CACNA1E: variants seen among roughly 807,000 people sequenced by gnomAD.
The protein encoded by CACNA1E is calcium voltage-gated channel subunit alpha1 E.
In CACNA1E, 40 loss-of-function variants were observed where a neutral mutation model predicts 259.2. The ratio of observed to expected loss-of-function variants is 0.15; its 90% CI spans 0.12 to 0.20. The LOEUF (loss-of-function observed/expected upper bound fraction) is 0.20, where lower values mean the gene tolerates loss of function less well. Among genes scored for constraint, CACNA1E ranks in the 10% least tolerant of loss-of-function variants. The pLI is 1.00. For synonymous variants in CACNA1E, 1,104 were observed against 1,138.5 expected (o/e 0.97, Z 0.61); for missense variants, 1,874 against 3,040.1 (o/e 0.62, Z 9.02).
chr1:181,585,020 C>A (rs56231833), intron 6 of CACNA1E, among the ~76,000 whole-genome samples: 57,110 of 151,864 alleles, frequency 0.38, 13,295 homozygotes, highest in East Asian at 0.66. Flanking sequence ...GTCCCCCCCC[C>A]TGCCTCAAAC....
At chr1:181,419,224 C>T (rs538030839) in intron 2 of CACNA1E, among the ~76,000 whole-genome samples, 25 of 152,180 alleles carry the variant, frequency 1.6e-4, no homozygotes, top group Admixed American at 5.9e-4. Context: ...TCCCCCTGCC[C>T]AGCCAGCCTC....
intron 2 of CACNA1E, among the ~76,000 whole-genome samples, chr1:181,464,951 T>C (rs1662062380): frequency 6.6e-6 from 1 of 152,060 alleles, no homozygotes; most frequent in Non-Finnish European, 1.5e-5. Flanking sequence ...ATAAATAAAA[T>C]TGTCATTATA....
chr1:181,734,553 C>T (rs561599015), intron 21 of CACNA1E, among the ~76,000 whole-genome samples: 4 of 146,808 alleles, frequency 2.7e-5, no homozygotes, highest in African/African-American at 7.6e-5. Context: ...CATCCCTGCC[C>T]TGACCCCACA....
chr1:181,616,375 C>T (rs1655211442), intron 6 of CACNA1E, among the ~76,000 whole-genome samples: 1 of 151,368 alleles, frequency 6.6e-6, no homozygotes, highest in African/African-American at 2.4e-5. Flanking sequence ...TGGTTTCTAC[C>T]AAGTTGTAAT....
chr1:181,625,155 A>G (rs1656077976), intron 6 of CACNA1E, among the ~76,000 whole-genome samples: 1 of 146,238 alleles, frequency 6.8e-6, no homozygotes, highest in Non-Finnish European at 1.5e-5. Context: ...TTGTTGTTTC[A>G]TTTATAGAGC....
At chr1:181,475,402 G>A (rs1483857204) in intron 2 of CACNA1E, among the ~76,000 whole-genome samples, 2 of 152,218 alleles carry the variant, frequency 1.3e-5, no homozygotes, top group East Asian at 3.8e-4. Context: ...GTTTATAGGA[G>A]GTACAGGTCA....
chr1:181,559,645 G>A (rs1187217973), intron 3 of CACNA1E, among the ~76,000 whole-genome samples: 1 of 152,240 alleles, frequency 6.6e-6, no homozygotes, highest in African/African-American at 2.4e-5. Flanking sequence ...AGTACATCTT[G>A]AATTTGGAGA....
chr1:181,730,784 A>C lies in CACNA1E; in HGVS notation c.2241-391A>C, dbSNP rs117516094. Reference sequence around the variant, plus strand: ...ATGAATGTGCTATGCTAGCCCTAGAAATGACTCGGGGGAGGGGAAGAAAAC... The same window carrying C: ...ATGAATGTGCTATGCTAGCCCTAGACATGACTCGGGGGAGGGGAAGAAAAC... On this transcript the variant is annotated intron_variant, in intron 18 of 47. Coordinates refer to ENST00000367573, the MANE Select transcript of CACNA1E (RefSeq NM_001205293.3). Among the ~76,000 whole-genome samples, 6 of 152,318 alleles carry C rather than the reference A, an allele frequency of 3.9e-5. No individual in the cohort carries two copies. In the East Asian group the frequency reaches 9.7e-4, roughly 25 times the overall value.
At chr1:181,383,013 T>C (rs1035021855) in intron 1 of CACNA1E, among the ~76,000 whole-genome samples, 1 of 152,152 alleles carries the variant, frequency 6.6e-6, no homozygotes, top group African/African-American at 2.4e-5. Flanking sequence ...AGCTGCCTCC[T>C]CTTCTGGGGA....
intron 7 of CACNA1E, among the ~76,000 whole-genome samples, chr1:181,661,365 C>T (rs780301465): frequency 2.0e-5 from 3 of 152,084 alleles, no homozygotes; most frequent in South Asian, 2.1e-4. Flanking sequence ...GCGGTGGGGA[C>T]GGAAAGGACA....
intron 25 of CACNA1E, among the ~76,000 whole-genome samples, 199 bp downstream of exon 25, chr1:181,739,452 G>A (rs1656356301): frequency 6.6e-6 from 1 of 152,176 alleles, no homozygotes; most frequent in Non-Finnish European, 1.5e-5. Flanking sequence ...GTGGCAGAAC[G>A]GGGGAAGCAG....
At chr1:181,586,670 A>G (rs1572291837) in intron 6 of CACNA1E, among the ~76,000 whole-genome samples, 2 of 152,340 alleles carry the variant, frequency 1.3e-5, no homozygotes, top group East Asian at 3.9e-4. Context: ...TTACTAGAGT[A>G]TCTTGCAAAT....
intron 6 of CACNA1E, among the ~76,000 whole-genome samples, chr1:181,647,472 T>A (rs1658380361): frequency 6.6e-6 from 1 of 152,202 alleles, no homozygotes; most frequent in Admixed American, 6.5e-5. Context: ...AACCCTCCTC[T>A]CTTGCACCTC....
intron 1 of CACNA1E, among the ~76,000 whole-genome samples, chr1:181,368,267 A>G (rs942363702): frequency 1.4e-4 from 20 of 143,008 alleles, no homozygotes; most frequent in Non-Finnish European, 2.6e-4. Flanking sequence ...TCATTTAGAC[A>G]GAGAAAGAGA....
chr1:181,338,177 C>T (rs867201319), intron 1 of CACNA1E, among the ~76,000 whole-genome samples: 4 of 152,136 alleles, frequency 2.6e-5, no homozygotes, highest in Non-Finnish European at 5.9e-5. Flanking sequence ...CCTCTGCCTC[C>T]CAGGTTCAAG....
chr1:181,567,764 C>T (rs528858114), intron 3 of CACNA1E, among the ~76,000 whole-genome samples: 12 of 152,234 alleles, frequency 7.9e-5, no homozygotes, highest in Non-Finnish European at 1.2e-4. Context: ...GTTGGTCTGC[C>T]TTGTCTTCTG....
chr1:181,382,004 G>C (rs1655490210), intron 1 of CACNA1E, among the ~76,000 whole-genome samples: 1 of 152,224 alleles, frequency 6.6e-6, no homozygotes. Flanking sequence ...GAAGGCAGGA[G>C]AGTAGATGAG....
chr1:181,332,848 G>A (rs1358300516), intron 1 of CACNA1E, among the ~76,000 whole-genome samples: 2 of 152,104 alleles, frequency 1.3e-5, no homozygotes, highest in Non-Finnish European at 2.9e-5. Flanking sequence ...TTACATCTGG[G>A]ACCCCACAGT....
At chr1:181,452,222 T>C (rs536044549) in intron 2 of CACNA1E, among the ~76,000 whole-genome samples, 3 of 152,332 alleles carry the variant, frequency 2.0e-5, no homozygotes, top group South Asian at 4.1e-4. Flanking sequence ...CTTGGATAAC[T>C]AGGAAGGGTT....
Sources: allele counts gnomAD v4.1 joint callset (sites outside exome capture counted in the v4.1 genomes callset), GRCh38; gene constraint gnomAD v4.1.1; transcripts MANE v1.5; gene names NCBI Gene and HGNC (gene_info 2026-07-23, HGNC 2026-07-21).